Variants in URGCP observed in about 807,000 individuals in gnomAD.
The protein encoded by URGCP is up-regulator of cell proliferation.
In URGCP, 13 loss-of-function variants were observed where a neutral mutation model predicts 24.6. The observed-to-expected ratio is 0.53, with a 90% CI of 0.34 to 0.84. URGCP has a LOEUF of 0.84. Among genes scored for constraint, URGCP ranks in the 40% least tolerant of loss-of-function variants. The probability of loss-of-function intolerance (pLI) is 0.01; values close to 1 mark genes in which losing one functional copy is unlikely to be tolerated. For missense variants in URGCP, 899 were observed against 1,194.3 expected, an observed-to-expected ratio of 0.75 and a Z score of 3.64; for synonymous variants, 444 against 487.2, an observed-to-expected ratio of 0.91 and a Z score of 1.17.
At chr7:43,899,284 AT>A (rs753099024) in intron 1 of URGCP, among the ~76,000 whole-genome samples, 11,183 of 139,484 alleles carry the variant, frequency 0.08, 496 homozygotes, top group Middle Eastern at 0.14. Flanking sequence ...GAAAGGCTTA[AT>A]TTTTTTTTTT....
upstream of URGCP, among the ~76,000 whole-genome samples, chr7:43,910,012 C>T (rs963042795): frequency 6.6e-6 from 1 of 152,172 alleles, no homozygotes; most frequent in South Asian, 2.1e-4. Flanking sequence ...CATTGCACTC[C>T]AGCCTGGGCA....
Position 43,876,426 on chromosome 7 carries a change from C to G in URGCP, c.*241G>C. On this transcript the variant is annotated 3_prime_UTR_variant, in exon 6 of 6. Transcript: ENST00000453200. ...ACAGGAGCTGAGACAGAACAAACTGCTGCTTGTCTCCCTACCCTGGGGGCT... is the reference window on the plus strand; with the variant it reads ...ACAGGAGCTGAGACAGAACAAACTGGTGCTTGTCTCCCTACCCTGGGGGCT... The G allele has an allele frequency of 1.8e-6, 1 of 541,150 alleles. No homozygotes were observed. The highest frequency in any genetic ancestry group is 3.2e-5 in the East Asian group (1 of 31,326). 33.5% of individuals were successfully genotyped at this position (541,150 alleles called of 1,614,324 possible).
At chr7:43,916,519 C>T (rs569683077) in intron 1 of URGCP, among the ~76,000 whole-genome samples, 3 of 152,038 alleles carry the variant, frequency 2.0e-5, no homozygotes, top group East Asian at 1.9e-4. Context: ...CAGAGGCAGA[C>T]GACAACAGAA....
At chr7:43,926,317 A>C in exon 1 of URGCP, 1 of 231,428 alleles carries the variant, frequency 4.3e-6, no homozygotes, top group Non-Finnish European at 8.2e-6. Flanking sequence ...AAGCCACAGG[A>C]CCAGGTGCGG....
At chr7:43,919,756 C>G (rs1034849016) in intron 1 of URGCP, 3 of 1,360,054 alleles carry the variant, frequency 2.2e-6, no homozygotes, top group Non-Finnish European at 3.2e-6. Flanking sequence ...CTGTTGGGCC[C>G]CACCAGCATC....
At chr7:43,917,437 T>G (rs1193347404) in intron 1 of URGCP, among the ~76,000 whole-genome samples, 2 of 152,182 alleles carry the variant, frequency 1.3e-5, no homozygotes, top group Non-Finnish European at 2.9e-5. Context: ...GTGGCAAACT[T>G]TGCTGCAGGC....
At chr7:43,880,177 C>T (rs2095851668) in intron 5 of URGCP, among the ~76,000 whole-genome samples, 1 of 152,078 alleles carries the variant, frequency 6.6e-6, no homozygotes, top group South Asian at 2.1e-4. Context: ...CCTGTCTAGC[C>T]CTCTCAAAGT....
chr7:43,898,788 AATTT>A (rs141998634), intron 1 of URGCP, among the ~76,000 whole-genome samples: 3,407 of 76,482 alleles, frequency 0.045, 139 homozygotes, highest in African/African-American at 0.095. Context: ...TAAATAAATA[AATTT>A]ATTTTAATTT....
intron 1 of URGCP, among the ~76,000 whole-genome samples, chr7:43,891,337 T>C (rs904961792): frequency 6.6e-6 from 1 of 152,200 alleles, no homozygotes; most frequent in Non-Finnish European, 1.5e-5. Flanking sequence ...GTACAATTAC[T>C]CACTGTATTA....
chr7:43,920,949 T>C (rs900719777), intron 1 of URGCP, among the ~76,000 whole-genome samples: 8 of 152,122 alleles, frequency 5.3e-5, no homozygotes, highest in Non-Finnish European at 8.8e-5. Flanking sequence ...AATTAGGAGA[T>C]TGGTGAACAG....
upstream of URGCP, chr7:43,926,621 G>T: frequency 2.0e-6 from 3 of 1,494,920 alleles, no homozygotes; most frequent in Admixed American, 2.4e-5. Flanking sequence ...GCGGGGCGCC[G>T]CTGCCGTGAA....
At chr7:43,900,476 A>C (rs1425867948) in intron 1 of URGCP, among the ~76,000 whole-genome samples, 6 of 149,114 alleles carry the variant, frequency 4.0e-5, no homozygotes, top group African/African-American at 7.4e-5. Flanking sequence ...AAACAAAAAA[A>C]AAAAAAAAAA....
At chr7:43,887,606 CCCAGATCCATGAAA>C in intron 2 of URGCP, 121 bp from the exon 3 acceptor site, 4 of 1,483,802 alleles carry the variant, frequency 2.7e-6, no homozygotes, top group Non-Finnish European at 3.6e-6. Flanking sequence ...TGGGTCACAC[CCCAGATCCATGAAA>C]CCAGAATCTC....
At chr7:43,925,702 G>A (rs1268377619) in intron 1 of URGCP, among the ~76,000 whole-genome samples, 1 of 150,442 alleles carries the variant, frequency 6.6e-6, no homozygotes, top group Non-Finnish European at 1.5e-5. Context: ...GTTTCAGCAT[G>A]TTGGCCAGGC....
chr7:43,926,458 G>T (rs1455513295), upstream of URGCP: 2 of 1,342,232 alleles, frequency 1.5e-6, no homozygotes, highest in African/African-American at 3.1e-5. Context: ...GTGCAGCTTG[G>T]TGGCGGCTGA....
intron 1 of URGCP, among the ~76,000 whole-genome samples, chr7:43,901,606 C>A (rs935676141): frequency 2.6e-5 from 4 of 152,202 alleles, no homozygotes; most frequent in African/African-American, 9.6e-5. Flanking sequence ...CTCCCAAGAG[C>A]AAAGATACAT....
chr7:43,898,948 CA>C, intron 1 of URGCP, among the ~76,000 whole-genome samples: 1 of 149,004 alleles, frequency 6.7e-6, no homozygotes, highest in Non-Finnish European at 1.5e-5. Context: ...CTAGCCTGGC[CA>C]ACATGGTGAA....
At chr7:43,883,340 ATATATATATATATATATATATATT>A (rs2095856994) in intron 3 of URGCP, among the ~76,000 whole-genome samples, 5 of 100,550 alleles carry the variant, frequency 5.0e-5, no homozygotes, top group African/African-American at 2.4e-4. Flanking sequence ...ATATATACAT[ATATATATATATATATATATATATT>A]TTTTTTTTTT....
rs771496256 is a variant in URGCP at position 43,876,672 on chromosome 7, G to GC, written c.2790dup (p.Leu931AlafsTer12). 1 of 1,613,592 alleles carries GC rather than the reference G, an allele frequency of 6.2e-7. No homozygotes were observed. Among genetic ancestry groups the GC allele is most frequent in the Non-Finnish European group, 8.5e-7 (1 of 1,179,698 alleles). On this transcript the variant is annotated frameshift_variant, in exon 6 of 6. Transcript: ENST00000453200. LOFTEE classifies it high-confidence loss of function. ...AACTGGGTTTCTCTGCACACTCACA[G>GC]CCGTCTCACCAGCTCAATGAGCTGC...
Sources: allele counts gnomAD v4.1 joint callset (sites outside exome capture counted in the v4.1 genomes callset), GRCh38; gene constraint gnomAD v4.1.1; transcripts MANE v1.5; gene names NCBI Gene and HGNC (gene_info 2026-07-23, HGNC 2026-07-21).